The following EBF1 variants were observed in gnomAD, a reference collection of about 807,000 sequenced individuals.
EBF1 encodes the protein transcription factor COE1.
EBF1 carries 10 observed loss-of-function variants against 68.4 expected under a neutral mutation model. The observed-to-expected ratio is 0.15, with a 90% CI of 0.09 to 0.25. The LOEUF (loss-of-function observed/expected upper bound fraction) is 0.25, where lower values mean the gene tolerates loss of function less well. Among genes scored for constraint, EBF1 ranks in the 10% least tolerant of loss-of-function variants. The pLI, the probability that EBF1 is intolerant of heterozygous loss-of-function variation, is 1.00. For synonymous variants in EBF1, 298 were observed against 299.8 expected, an observed-to-expected ratio of 0.99 and a Z score of 0.06; for missense variants, 509 against 794.4, an observed-to-expected ratio of 0.64 and a Z score of 4.32.
At chr5:158,881,462 G>A (rs757515580) in intron 6 of EBF1, among the ~76,000 whole-genome samples, 53 of 152,320 alleles carry the variant, frequency 3.5e-4, no homozygotes, top group South Asian at 6.2e-4. Flanking sequence ...ATGGGCAAGA[G>A]GGGGCCATAC....
intron 6 of EBF1, among the ~76,000 whole-genome samples, chr5:158,922,136 G>A (rs1808569931): frequency 6.6e-6 from 1 of 152,232 alleles, no homozygotes; most frequent in African/African-American, 2.4e-5. Flanking sequence ...AGAAAATCAG[G>A]ATGTGGACAC....
chr5:158,845,098 G>A (rs147725926), intron 6 of EBF1, among the ~76,000 whole-genome samples: 161 of 152,260 alleles, frequency 1.1e-3, no homozygotes, highest in Middle Eastern at 3.4e-3. Context: ...CATAGTGCCC[G>A]GCGTAAGACC....
Position 159,003,043 on chromosome 5 carries a change from A to G in EBF1, c.554+70353T>C, listed in dbSNP as rs114513906. On this transcript the variant is annotated intron_variant, in intron 6 of 15. Transcript: ENST00000313708. ...CTTCTACTGCCAGATACATTTATATATATAAGCTCAAGAAAGGTAAGATCT... is the reference window on the plus strand; with the variant it reads ...CTTCTACTGCCAGATACATTTATATGTATAAGCTCAAGAAAGGTAAGATCT... 2.8e-3 allele frequency among the ~76,000 whole-genome samples: 424 copies of G among 152,318 alleles called. 4 individuals carry two copies. The highest frequency in any genetic ancestry group is 9.6e-3 in the African/African-American group (397 of 41,566).
At chr5:158,953,734 T>G (rs1322499906) in intron 6 of EBF1, among the ~76,000 whole-genome samples, 1 of 152,138 alleles carries the variant, frequency 6.6e-6, no homozygotes, top group Admixed American at 6.5e-5. Context: ...GGTAGAGATT[T>G]TTCAAGCCAG....
intron 6 of EBF1, among the ~76,000 whole-genome samples, chr5:159,062,458 T>C (rs1776040553): frequency 6.7e-6 from 1 of 148,664 alleles, no homozygotes; most frequent in Admixed American, 6.7e-5. Flanking sequence ...CATGATGGGA[T>C]TGGGGGTGGG....
At chr5:158,938,968 G>A in intron 6 of EBF1, among the ~76,000 whole-genome samples, 1 of 152,146 alleles carries the variant, frequency 6.6e-6, no homozygotes, top group Non-Finnish European at 1.5e-5. Context: ...ATTTAAGTAT[G>A]GAATCACTGA....
intron 9 of EBF1, among the ~76,000 whole-genome samples, chr5:158,781,302 T>G (rs1776412438): frequency 6.6e-6 from 1 of 152,206 alleles, no homozygotes; most frequent in African/African-American, 2.4e-5. Context: ...ATTTTGGTTT[T>G]CTTCATTTGC....
rs761770772 is a variant in EBF1, at chr5:159,096,963, C to T, written c.291+11G>A. ...CCGGGGACGAGGGGCGACAGCGCTG[C>T]GCCCACTTACTTTTTCCTTCTCCAC... On this transcript the variant is annotated intron_variant, in intron 2 of 15. Transcript: ENST00000313708. The T allele has an allele frequency of 5.0e-6, 8 of 1,612,840 alleles. No individual in the cohort carries two copies. Among genetic ancestry groups the T allele is most frequent in the South Asian group, 1.1e-5 (1 of 90,854 alleles).
intron 6 of EBF1, among the ~76,000 whole-genome samples, chr5:158,998,060 A>G (rs1274451037): frequency 1.3e-5 from 2 of 152,106 alleles, no homozygotes; most frequent in Non-Finnish European, 2.9e-5. Context: ...GAAATCTTCC[A>G]TCATATTACC....
intron 6 of EBF1, among the ~76,000 whole-genome samples, chr5:158,881,541 A>T (rs1798904314): frequency 1.3e-5 from 2 of 152,198 alleles, no homozygotes; most frequent in African/African-American, 4.8e-5. Context: ...GCGGTGCTGA[A>T]GTGCTCTGCA....
At chr5:158,942,663 G>C (rs1267591981) in intron 6 of EBF1, among the ~76,000 whole-genome samples, 1 of 151,962 alleles carries the variant, frequency 6.6e-6, no homozygotes, top group East Asian at 1.9e-4. Flanking sequence ...AAGGAGGAAT[G>C]GTCTACTAAA....
intron 6 of EBF1, among the ~76,000 whole-genome samples, chr5:159,018,152 T>G (rs1352117942): frequency 3.3e-5 from 5 of 152,164 alleles, no homozygotes; most frequent in African/African-American, 9.7e-5. Flanking sequence ...TTTTCTCTCC[T>G]TATCAAAATC....
At chr5:159,079,780 A>T (rs2127967040) in intron 5 of EBF1, among the ~76,000 whole-genome samples, 1 of 151,570 alleles carries the variant, frequency 6.6e-6, no homozygotes, top group South Asian at 2.1e-4. Flanking sequence ...CACCCAGCTG[A>T]TTTTTGTATT....
chr5:158,892,194 T>A (rs1801306674), intron 6 of EBF1, among the ~76,000 whole-genome samples: 3 of 152,106 alleles, frequency 2.0e-5, no homozygotes, highest in Non-Finnish European at 1.5e-5. Flanking sequence ...GCATCCCTAA[T>A]CCAAAAATCT....
chr5:158,856,957 C>T (rs934777720), intron 6 of EBF1, among the ~76,000 whole-genome samples: 2 of 152,002 alleles, frequency 1.3e-5, no homozygotes, highest in Non-Finnish European at 2.9e-5. Context: ...TGGCAACATG[C>T]CTATCTATTT....
intron 9 of EBF1, among the ~76,000 whole-genome samples, chr5:158,783,025 GA>G (rs11295464): frequency 0.15 from 22,514 of 146,322 alleles, 2,660 homozygotes; most frequent in African/African-American, 0.34. Context: ...AAGATGAAAT[GA>G]AAAAAAAAAG....
At chr5:158,713,853 T>C (rs1760020241) in intron 12 of EBF1, among the ~76,000 whole-genome samples, 1 of 152,236 alleles carries the variant, frequency 6.6e-6, no homozygotes, top group African/African-American at 2.4e-5. Flanking sequence ...AACTCTCCTC[T>C]TCAATTAGGA....
intron 14 of EBF1, among the ~76,000 whole-genome samples, chr5:158,709,074 TA>T (rs1358381163): frequency 6.6e-6 from 1 of 152,212 alleles, no homozygotes; most frequent in Non-Finnish European, 1.5e-5. Flanking sequence ...TGTTCCAGGT[TA>T]ATAATCTCTC....
At chr5:158,756,716 G>T (rs1216235340) in intron 10 of EBF1, among the ~76,000 whole-genome samples, 1 of 151,376 alleles carries the variant, frequency 6.6e-6, no homozygotes, top group Non-Finnish European at 1.5e-5. Context: ...AGAAATAGAT[G>T]AATGAATGAA....
Sources: gnomAD v4.1 joint callset for allele counts (sites outside exome capture counted in the v4.1 genomes callset) on GRCh38, gnomAD v4.1.1 for gene constraint, MANE v1.5 for transcripts, NCBI Gene and HGNC (gene_info 2026-07-23, HGNC 2026-07-21) for gene names.